The following TMEM132D variants were observed in gnomAD, a reference collection of about 807,000 sequenced individuals.
TMEM132D encodes the protein transmembrane protein 132D.
A neutral mutation model predicts 62.3 loss-of-function variants in TMEM132D; 21 were observed. That is an observed-to-expected ratio of 0.34 (90% CI 0.24 to 0.49). The LOEUF (loss-of-function observed/expected upper bound fraction) is 0.49. TMEM132D is among the 20% of genes least tolerant of loss of function. The probability of loss-of-function intolerance (pLI) is 0.99; values close to 1 mark genes in which losing one functional copy is unlikely to be tolerated. For synonymous variants in TMEM132D, 621 were observed against 575.6 expected (o/e 1.08, Z -1.13); for missense variants, 1,346 against 1,402.8 (o/e 0.96, Z 0.65).
chr12:129,873,996 C>G (rs1426432165), intron 1 of TMEM132D, among the ~76,000 whole-genome samples: 1 of 152,204 alleles, frequency 6.6e-6, no homozygotes, highest in Non-Finnish European at 1.5e-5. Context: ...CTCTTCCTCT[C>G]CCGCACTAAA....
intron 4 of TMEM132D, among the ~76,000 whole-genome samples, chr12:129,251,682 G>A (rs150679205): frequency 1.8e-4 from 27 of 152,182 alleles, no homozygotes; most frequent in Non-Finnish European, 2.6e-4. Flanking sequence ...CTCTTCTTTC[G>A]GGCCACAAAG....
intron 3 of TMEM132D, among the ~76,000 whole-genome samples, chr12:129,519,058 C>A (rs1242091517): frequency 6.6e-6 from 1 of 152,138 alleles, no homozygotes; most frequent in East Asian, 1.9e-4. Flanking sequence ...TTGGCTTTTA[C>A]ATGTTAAAGA....
chr12:129,555,772 T>A (rs904760300), intron 2 of TMEM132D, among the ~76,000 whole-genome samples: 1 of 152,226 alleles, frequency 6.6e-6, no homozygotes, highest in Admixed American at 6.5e-5. Flanking sequence ...ATTGATTATA[T>A]ATATTAGTTG....
intron 3 of TMEM132D, among the ~76,000 whole-genome samples, chr12:129,500,607 C>CT (rs1357010063): frequency 2.6e-5 from 4 of 152,160 alleles, no homozygotes; most frequent in African/African-American, 7.2e-5. Flanking sequence ...CCTCGTTCAA[C>CT]TTTTGATAAA....
intron 4 of TMEM132D, among the ~76,000 whole-genome samples, chr12:129,320,658 C>T (rs1031445157): frequency 1.3e-5 from 2 of 151,878 alleles, no homozygotes; most frequent in African/African-American, 4.8e-5. Flanking sequence ...AGGACATCAT[C>T]AAAAATGAAG....
intron 3 of TMEM132D, among the ~76,000 whole-genome samples, chr12:129,485,472 C>T (rs1874554491): frequency 6.6e-6 from 1 of 152,210 alleles, no homozygotes; most frequent in Non-Finnish European, 1.5e-5. Flanking sequence ...GGGTCAGGCA[C>T]CATCAGTGTC....
At chr12:129,298,178 G>T (rs750431571) in intron 4 of TMEM132D, among the ~76,000 whole-genome samples, 2 of 152,050 alleles carry the variant, frequency 1.3e-5, no homozygotes, top group Non-Finnish European at 2.9e-5. Context: ...GAAGACAAAC[G>T]AATTACAAGG....
At chr12:129,266,186 T>C (rs1461090637) in intron 4 of TMEM132D, among the ~76,000 whole-genome samples, 3 of 152,154 alleles carry the variant, frequency 2.0e-5, no homozygotes, top group Non-Finnish European at 4.4e-5. Flanking sequence ...GCATTAGGCA[T>C]AGATGTCTCC....
At chr12:129,472,873 G>GA (rs200846753) in intron 3 of TMEM132D, among the ~76,000 whole-genome samples, 3,160 of 150,446 alleles carry the variant, frequency 0.021, 116 homozygotes, top group African/African-American at 0.068. Context: ...CTTATTTTAA[G>GA]ACTTTTTTTT....
chr12:129,466,762 CA>C, intron 3 of TMEM132D, among the ~76,000 whole-genome samples: 1 of 152,194 alleles, frequency 6.6e-6, no homozygotes, highest in South Asian at 2.1e-4. Context: ...TACTTGTTCT[CA>C]TGTATTATTT....
At chr12:129,128,815 T>C (rs1217747102) in intron 5 of TMEM132D, among the ~76,000 whole-genome samples, 1 of 152,206 alleles carries the variant, frequency 6.6e-6, no homozygotes, top group Non-Finnish European at 1.5e-5. Context: ...TGTGTGCCCA[T>C]TGTTTAGCTC....
At chr12:129,586,487 C>T (rs1034088419) in intron 2 of TMEM132D, among the ~76,000 whole-genome samples, 4 of 152,176 alleles carry the variant, frequency 2.6e-5, no homozygotes, top group African/African-American at 4.8e-5. Flanking sequence ...CTCACACTTC[C>T]GGAGCCTGTG....
At chr12:129,777,990 C>G (rs942562678) in intron 1 of TMEM132D, among the ~76,000 whole-genome samples, 10 of 151,196 alleles carry the variant, frequency 6.6e-5, no homozygotes, top group Admixed American at 5.9e-4. Context: ...AAAAAAATAG[C>G]TAGGTGTGTA....
At chr12:129,552,462 T>G (rs1876926308) in intron 2 of TMEM132D, among the ~76,000 whole-genome samples, 1 of 151,848 alleles carries the variant, frequency 6.6e-6, no homozygotes, top group Non-Finnish European at 1.5e-5. Flanking sequence ...TAGCATCTGT[T>G]TATATTCATT....
In TMEM132D at chr12:129,252,965, T is replaced by G. The variant is rs917387736; in HGVS notation, c.1300-43302A>C. Among the ~76,000 whole-genome samples, 5 of 143,984 alleles carry G rather than the reference T, an allele frequency of 3.5e-5. No individual in the cohort carries two copies. In the Admixed American group the frequency reaches 3.8e-4, roughly 11 times the overall value. The allele number at this position is 143,984 out of a possible 152,430, so 94.5% of individuals were successfully genotyped here. A position where few individuals can be genotyped will look rare whatever the true frequency, so the allele number is the denominator to read the frequency against. On this transcript the variant is annotated intron_variant, in intron 4 of 8. Coordinates refer to ENST00000422113, the MANE Select transcript of TMEM132D (RefSeq NM_133448.3). ...GACAAAAAAACCAAACACCGCAAGT[T>G]CTCACTCATAGGTGGGAATTGAACA... is the stretch of plus-strand genomic sequence containing the variant.
chr12:129,386,485 C>T (rs2084043204), intron 3 of TMEM132D, among the ~76,000 whole-genome samples: 1 of 152,072 alleles, frequency 6.6e-6, no homozygotes, highest in Admixed American at 6.5e-5. Context: ...CTAACACCAA[C>T]ACCAACACCA....
intron 2 of TMEM132D, among the ~76,000 whole-genome samples, chr12:129,579,416 C>T (rs1877777967): frequency 3.3e-5 from 5 of 152,148 alleles, no homozygotes; most frequent in Admixed American, 3.3e-4. Flanking sequence ...GGTGAAGTCC[C>T]ATGATAGACT....
chr12:129,119,781 T>A (rs1876002107), intron 5 of TMEM132D, among the ~76,000 whole-genome samples: 1 of 152,162 alleles, frequency 6.6e-6, no homozygotes, highest in African/African-American at 2.4e-5. Flanking sequence ...AAGTTTCTGA[T>A]TTCAAGAAGC....
At chr12:129,610,265 A>C (rs1878735274) in intron 2 of TMEM132D, among the ~76,000 whole-genome samples, 1 of 141,488 alleles carries the variant, frequency 7.1e-6, no homozygotes, top group South Asian at 2.4e-4. Flanking sequence ...CGACAAGAGC[A>C]AGGCTCTGTC....
Sources: allele counts gnomAD v4.1 joint callset (sites outside exome capture counted in the v4.1 genomes callset), GRCh38; gene constraint gnomAD v4.1.1; transcripts MANE v1.5; gene names NCBI Gene and HGNC (gene_info 2026-07-23, HGNC 2026-07-21).